Variants in IFT80 observed in about 807,000 individuals in gnomAD.
The protein encoded by IFT80 is intraflagellar transport 80.
IFT80 carries 79 observed loss-of-function variants against 107.9 expected under a neutral mutation model. The observed-to-expected ratio is 0.73, with a 90% CI of 0.61 to 0.88. IFT80 has a LOEUF of 0.88. IFT80 is among the 40% of genes least tolerant of loss of function. The pLI is 0.00. For missense variants in IFT80, 797 were observed against 914.2 expected, an observed-to-expected ratio of 0.87 and a Z score of 1.65; for synonymous variants, 299 against 300.9, an observed-to-expected ratio of 0.99 and a Z score of 0.07.
chr3:160,327,100 T>A (rs961579973), intron 8 of IFT80, among the ~76,000 whole-genome samples: 1 of 151,916 alleles, frequency 6.6e-6, no homozygotes, highest in African/African-American at 2.4e-5. Flanking sequence ...ATAAAATACC[T>A]AGGAATACAG....
intron 6 of IFT80, 138 bp from the exon 7 acceptor site, chr3:160,357,716 T>C (rs1040173484): frequency 6.5e-6 from 4 of 618,394 alleles, no homozygotes; most frequent in African/African-American, 1.9e-5. Context: ...TTATAGCCAA[T>C]GTACAATACC....
intron 19 of IFT80, among the ~76,000 whole-genome samples, chr3:160,266,267 A>G (rs1713311504): frequency 6.6e-6 from 1 of 152,084 alleles, no homozygotes; most frequent in Admixed American, 6.6e-5. Context: ...AATGAAAAAG[A>G]TGATAAAGAT....
chr3:160,324,808 G>C (rs1315128138), intron 8 of IFT80, among the ~76,000 whole-genome samples: 1 of 150,122 alleles, frequency 6.7e-6, no homozygotes, highest in Middle Eastern at 3.4e-3. Context: ...GGAAATAAAG[G>C]GTATTCAATT....
chr3:160,277,228 G>A lies in IFT80; in HGVS notation c.2099+78C>T, dbSNP rs1265015555. Reference sequence around the variant, plus strand: ...AAGAAACTAAAATATAGTGGAAAATGTAATTTACTAAGTGGTAGATGGAAA... The same window carrying A: ...AAGAAACTAAAATATAGTGGAAAATATAATTTACTAAGTGGTAGATGGAAA... On this transcript the variant is annotated intron_variant, in intron 18 of 19. Transcript: ENST00000326448. 15 of 1,225,128 alleles carry A rather than the reference G, an allele frequency of 1.2e-5. No homozygotes were observed. The Admixed American group carries it at 2.5e-4, about 21-fold the overall frequency. 75.9% of individuals were successfully genotyped at this position (1,225,128 alleles called of 1,614,324 possible).
At position 160,384,769 on chromosome 3, in the gene IFT80, A is replaced by T. The variant is rs570932786; in HGVS notation, c.-46-123T>A. 16 of 662,598 alleles carry T rather than the reference A, an allele frequency of 2.4e-5. No individual in the cohort carries two copies. The East Asian group carries it at 4.9e-4, about 20-fold the overall frequency. 41.0% of individuals were successfully genotyped at this position (662,598 alleles called of 1,614,324 possible). On this transcript the variant is annotated intron_variant, in intron 1 of 19. Coordinates refer to ENST00000326448, the MANE Select transcript of IFT80 (RefSeq NM_020800.3). ...GAGCACCTTCAGTCCTTCTGACATC[A>T]AGTACATGGAAAGAGAAAAAAAACT...
chr3:160,301,175 A>G, intron 11 of IFT80, 129 bp from the exon 12 acceptor site: 1 of 910,936 alleles, frequency 1.1e-6, no homozygotes. Context: ...GTGTAGATAT[A>G]TAAGGAACAA....
chr3:160,398,946 C>A (rs914392001), intron 1 of IFT80, among the ~76,000 whole-genome samples, 200 bp downstream of exon 1: 1 of 152,146 alleles, frequency 6.6e-6, no homozygotes, highest in African/African-American at 2.4e-5. Context: ...CCAGGTCTTC[C>A]AGTTGTCTCT....
intron 6 of IFT80, among the ~76,000 whole-genome samples, chr3:160,360,210 C>T (rs1721393133): frequency 6.6e-6 from 1 of 152,148 alleles, no homozygotes; most frequent in Non-Finnish European, 1.5e-5. Flanking sequence ...TTGACACATG[C>T]ACAAGCTTCA....
rs144344370 is a variant in IFT80, at chr3:160,382,290, G to GA, written c.38-567dup. Reference sequence around the variant, plus strand: ...GGAAAGAACTTATGGTTTAACAGCTGAAACTAAAATCTTACCAAACTTTTT... The same window carrying GA: ...GGAAAGAACTTATGGTTTAACAGCTGAAAACTAAAATCTTACCAAACTTTTT... On this transcript the variant is annotated intron_variant, in intron 2 of 19. Coordinates refer to ENST00000326448, the MANE Select transcript of IFT80 (RefSeq NM_020800.3). Among the ~76,000 whole-genome samples the GA allele has an allele frequency of 6.6e-5, 10 of 152,138 alleles. No homozygotes were observed. The East Asian group carries it at 1.9e-3, about 29-fold the overall frequency.
chr3:160,291,076 C>G (rs1245745444), intron 12 of IFT80, among the ~76,000 whole-genome samples: 1 of 152,122 alleles, frequency 6.6e-6, no homozygotes, highest in Non-Finnish European at 1.5e-5. Flanking sequence ...AGTATATGAA[C>G]TAGTATGGAT....
At chr3:160,382,120 T>C (rs2108405057) in intron 2 of IFT80, among the ~76,000 whole-genome samples, 1 of 152,294 alleles carries the variant, frequency 6.6e-6, no homozygotes, top group Non-Finnish European at 1.5e-5. Flanking sequence ...TATACTTTTT[T>C]CTTTATATAT....
At chr3:160,267,060 C>T (rs1713389968) in intron 19 of IFT80, among the ~76,000 whole-genome samples, 1 of 152,052 alleles carries the variant, frequency 6.6e-6, no homozygotes, top group Admixed American at 6.6e-5. Context: ...GTTTGTGGAG[C>T]TTCTAAAAAA....
At chr3:160,330,362 A>C (rs982167321) in intron 8 of IFT80, among the ~76,000 whole-genome samples, 49 of 152,146 alleles carry the variant, frequency 3.2e-4, no homozygotes, top group Non-Finnish European at 1.6e-4. Flanking sequence ...CTCTGACAGT[A>C]CCTTACCAAC....
chr3:160,276,191 G>T (rs1012888197), intron 18 of IFT80, among the ~76,000 whole-genome samples: 2 of 151,926 alleles, frequency 1.3e-5, no homozygotes, highest in Non-Finnish European at 2.9e-5. Context: ...TTTATAGAAT[G>T]AAAAACATCT....
At chr3:160,398,566 A>G (rs1714057433) in intron 1 of IFT80, among the ~76,000 whole-genome samples, 2 of 152,200 alleles carry the variant, frequency 1.3e-5, no homozygotes, top group South Asian at 4.1e-4. Flanking sequence ...TCCCAGAAAA[A>G]TGCACATAGA....
At chr3:160,319,503 C>T (rs1718050205) in intron 9 of IFT80, among the ~76,000 whole-genome samples, 1 of 152,008 alleles carries the variant, frequency 6.6e-6, no homozygotes, top group Non-Finnish European at 1.5e-5. Flanking sequence ...ACTGAATCCA[C>T]ATATTTCCTC....
intron 1 of IFT80, chr3:160,394,286 A>G (rs994534680): frequency 3.9e-5 from 6 of 152,232 alleles, no homozygotes; most frequent in Admixed American, 3.3e-4. Context: ...CATAAAATAC[A>G]CTAACATTAA....
At chr3:160,310,187 T>A (rs1717141140) in intron 9 of IFT80, among the ~76,000 whole-genome samples, 1 of 152,126 alleles carries the variant, frequency 6.6e-6, no homozygotes, top group African/African-American at 2.4e-5. Flanking sequence ...CAAGTCTAGA[T>A]GGGAAATGTA....
intron 8 of IFT80, among the ~76,000 whole-genome samples, chr3:160,353,912 G>C (rs889228844): frequency 6.6e-6 from 1 of 152,096 alleles, no homozygotes; most frequent in African/African-American, 2.4e-5. Flanking sequence ...ACGACTAGAT[G>C]CCTAACGAGG....
Sources: allele counts gnomAD v4.1 joint callset (sites outside exome capture counted in the v4.1 genomes callset), GRCh38; gene constraint gnomAD v4.1.1; transcripts MANE v1.5; gene names NCBI Gene and HGNC (gene_info 2026-07-23, HGNC 2026-07-21).